Variants in MGAT5 observed in about 807,000 individuals in gnomAD.
MGAT5 encodes the protein alpha-1,6-mannosylglycoprotein 6-beta-N-acetylglucosaminyltransferase.
A neutral mutation model predicts 94.3 loss-of-function variants in MGAT5; 30 were observed. The observed-to-expected ratio is 0.32, with a 90% confidence interval of 0.24 to 0.43. The LOEUF (loss-of-function observed/expected upper bound fraction) is 0.43. Ranked by LOEUF, MGAT5 falls within the 20% of genes least tolerant of loss-of-function variation. MGAT5 has a pLI of 1.00. For synonymous variants in MGAT5, 310 were observed against 322.9 expected (o/e 0.96, Z 0.43); for missense variants, 691 against 905.5 (o/e 0.76, Z 3.04).
intron 7 of MGAT5, among the ~76,000 whole-genome samples, chr2:134,343,170 T>C (rs559066501): frequency 6.6e-6 from 1 of 152,230 alleles, no homozygotes; most frequent in South Asian, 2.1e-4. Flanking sequence ...AGGAAAGACA[T>C]GTTAGGGATT....
rs1432676085 is a variant in MGAT5 at position 134,268,501 on chromosome 2, A to G, written c.242-1885A>G. 6.6e-6 allele frequency among the ~76,000 whole-genome samples: 1 copy of G among 152,204 alleles called. No homozygotes were observed. Among genetic ancestry groups the G allele is most frequent in the Non-Finnish European group, 1.5e-5 (1 of 68,032 alleles). On this transcript the variant is annotated intron_variant, in intron 1 of 15. Coordinates refer to ENST00000281923, the MANE Select transcript of MGAT5 (RefSeq NM_002410.5). This position sits in a 1 kb window ranked among gnomAD's most constrained non-coding sequence, Gnocchi z 4.1. Reference sequence around the variant, plus strand: ...TGACTGACTCCCGCTGTCTGTGCCAACTAATGATGTGCCTGTGACAAACTG... The same window carrying G: ...TGACTGACTCCCGCTGTCTGTGCCAGCTAATGATGTGCCTGTGACAAACTG...
intron 14 of MGAT5, among the ~76,000 whole-genome samples, chr2:134,438,985 C>T (rs1685322345): frequency 6.6e-6 from 1 of 152,144 alleles, no homozygotes; most frequent in Non-Finnish European, 1.5e-5. Flanking sequence ...CATTAACCAC[C>T]AAAACTCATT....
At chr2:134,418,355 A>G (rs922024195) in intron 12 of MGAT5, among the ~76,000 whole-genome samples, 2 of 152,132 alleles carry the variant, frequency 1.3e-5, no homozygotes, top group East Asian at 1.9e-4. Context: ...AGATGATTCC[A>G]CCAGCCCTTA....
At chr2:134,372,163 T>A (rs1042721775) in intron 10 of MGAT5, among the ~76,000 whole-genome samples, 1 of 152,142 alleles carries the variant, frequency 6.6e-6, no homozygotes, top group African/African-American at 2.4e-5. Flanking sequence ...CTTAATCTCT[T>A]CCTGTCCATG....
At chr2:134,426,784 A>G (rs1275882667) in intron 13 of MGAT5, among the ~76,000 whole-genome samples, 1 of 152,060 alleles carries the variant, frequency 6.6e-6, no homozygotes, top group Non-Finnish European at 1.5e-5. Flanking sequence ...AGTAAGTTCA[A>G]AAGCTTGAGT....
intron 1 of MGAT5, among the ~76,000 whole-genome samples, chr2:134,142,332 C>T (rs1271162258): frequency 1.3e-5 from 2 of 152,216 alleles, no homozygotes; most frequent in Admixed American, 6.5e-5. Context: ...TCTGCATTTA[C>T]AGGCTGAGCC....
chr2:134,155,330 A>G (rs1687425626), intron 1 of MGAT5, among the ~76,000 whole-genome samples: 1 of 152,214 alleles, frequency 6.6e-6, no homozygotes, highest in South Asian at 2.1e-4. Context: ...TGCAAAGCAG[A>G]TCATTGAGGT....
intron 1 of MGAT5, among the ~76,000 whole-genome samples, chr2:134,164,779 A>G (rs1223853873): frequency 6.6e-6 from 1 of 151,874 alleles, no homozygotes; most frequent in Non-Finnish European, 1.5e-5. Flanking sequence ...GTTGTGTGCT[A>G]TAATTGGGCC....
chr2:134,320,155 A>G (rs1687230271), intron 4 of MGAT5: 1 of 152,188 alleles, frequency 6.6e-6, no homozygotes, highest in Non-Finnish European at 1.5e-5. Flanking sequence ...GTGGATCTGA[A>G]TAGCAGAGTC....
chr2:134,177,272 A>G (rs2105149940), intron 1 of MGAT5, among the ~76,000 whole-genome samples: 1 of 151,690 alleles, frequency 6.6e-6, no homozygotes, highest in East Asian at 2.0e-4. Context: ...TCTTTAAAGA[A>G]CTTCTGTAGC....
chr2:134,364,193 T>C (rs1002765719), intron 10 of MGAT5, among the ~76,000 whole-genome samples: 7 of 152,174 alleles, frequency 4.6e-5, no homozygotes, highest in Admixed American at 2.6e-4. Context: ...AAAGGGTGAC[T>C]TTTCCATGCC....
chr2:134,156,143 C>T (rs889005088), intron 1 of MGAT5, among the ~76,000 whole-genome samples: 6 of 152,132 alleles, frequency 3.9e-5, no homozygotes, highest in Non-Finnish European at 7.4e-5. Flanking sequence ...GAATGCTGCT[C>T]CCCCAGCTCA....
In MGAT5 at chr2:134,453,965, G is replaced by C. The variant is rs1171876831; in HGVS notation, c.*5118G>C. ...GATTGCAGGTGTGGAATTTGCTGGAGTTTGGTGACTTCGTCAAATTCCTTT... is the reference window on the plus strand; with the variant it reads ...GATTGCAGGTGTGGAATTTGCTGGACTTTGGTGACTTCGTCAAATTCCTTT... On this transcript the variant is annotated 3_prime_UTR_variant, in exon 16 of 16. Transcript: ENST00000281923. 1 of 152,200 alleles carries C rather than the reference G, an allele frequency of 6.6e-6. No individual in the cohort carries two copies. The highest frequency in any genetic ancestry group is 1.9e-4 in the East Asian group (1 of 5,196). 9.4% of individuals were successfully genotyped at this position (152,200 alleles called of 1,614,324 possible). A position where few individuals can be genotyped will look rare whatever the true frequency, so the allele number is the denominator to read the frequency against.
chr2:134,272,001 C>G (rs1684057721), intron 2 of MGAT5, among the ~76,000 whole-genome samples: 1 of 152,186 alleles, frequency 6.6e-6, no homozygotes, highest in South Asian at 2.1e-4. Context: ...CTTTGCTGTT[C>G]TCCACTGCCT....
intron 1 of MGAT5, among the ~76,000 whole-genome samples, chr2:134,183,708 A>G (rs186229002): frequency 1.3e-5 from 2 of 152,334 alleles, no homozygotes; most frequent in East Asian, 1.9e-4. Context: ...TTAAACTATT[A>G]TTTTTAAAAA....
chr2:134,311,318 C>T (rs988950932), intron 2 of MGAT5, among the ~76,000 whole-genome samples: 1 of 152,086 alleles, frequency 6.6e-6, no homozygotes, highest in Admixed American at 6.5e-5. Context: ...TGCCCTTAAT[C>T]TATCAGATGC....
chr2:134,241,761 A>T (rs1257185), intron 1 of MGAT5, among the ~76,000 whole-genome samples: 127,996 of 152,044 alleles, frequency 0.84, 54,083 homozygotes, highest in African/African-American at 0.88. Flanking sequence ...TGGGAGTGTG[A>T]GTGTGTATGA....
rs1411508622 is a variant in MGAT5 at position 134,452,076 on chromosome 2, C to T, written c.*3229C>T. 1 of 152,136 alleles carries T rather than the reference C, an allele frequency of 6.6e-6. No individual in the cohort carries two copies. Among genetic ancestry groups the T allele is most frequent in the Non-Finnish European group, 1.5e-5 (1 of 68,050 alleles). The allele number at this position is 152,136 out of a possible 1,614,324, so 9.4% of individuals were successfully genotyped here. A position where few individuals can be genotyped will look rare whatever the true frequency, so the allele number is the denominator to read the frequency against. On this transcript the variant is annotated 3_prime_UTR_variant, in exon 16 of 16. Coordinates refer to ENST00000281923, the MANE Select transcript of MGAT5 (RefSeq NM_002410.5). ...GCTGTTGAAGGGCAATAGCAGACTCCTCCAGCTAAGAGACAGGACATGTTC... is the reference window on the plus strand; with the variant it reads ...GCTGTTGAAGGGCAATAGCAGACTCTTCCAGCTAAGAGACAGGACATGTTC...
At chr2:134,422,446 T>A (rs1414879889) in intron 12 of MGAT5, among the ~76,000 whole-genome samples, 1 of 152,158 alleles carries the variant, frequency 6.6e-6, no homozygotes, top group Non-Finnish European at 1.5e-5. Flanking sequence ...GACCTTTCTG[T>A]CTTAGCCAGG....
Sources: gnomAD v4.1 joint callset for allele counts (sites outside exome capture counted in the v4.1 genomes callset) on GRCh38, gnomAD v4.1.1 for gene constraint, Gnocchi (gnomAD v3.1) non-coding constraint, MANE v1.5 for transcripts, NCBI Gene and HGNC (gene_info 2026-07-23, HGNC 2026-07-21) for gene names.